POC1A: variants seen among roughly 807,000 people sequenced by gnomAD.
POC1A encodes POC1 centriolar protein A.
In POC1A, 34 loss-of-function variants were observed where a neutral mutation model predicts 47.8. The ratio of observed to expected loss-of-function variants is 0.71; its 90% CI spans 0.54 to 0.95. The LOEUF is 0.95. POC1A is among the 40% of genes least tolerant of loss of function. The probability of loss-of-function intolerance (pLI) is 0.00; values close to 1 mark genes in which losing one functional copy is unlikely to be tolerated. For synonymous variants in POC1A, 177 were observed against 207.6 expected (o/e 0.85, Z 1.27); for missense variants, 466 against 528.3 (o/e 0.88, Z 1.16).
chr3:52,094,725 A>T (rs1247980670), intron 10 of POC1A, among the ~76,000 whole-genome samples: 2 of 152,246 alleles, frequency 1.3e-5, no homozygotes, highest in South Asian at 4.1e-4. Flanking sequence ...AGACACTGTC[A>T]GTTTTGCAAA....
At chr3:52,129,298 T>C (rs1252032502) in intron 7 of POC1A, among the ~76,000 whole-genome samples, 3 of 152,006 alleles carry the variant, frequency 2.0e-5, no homozygotes, top group Non-Finnish European at 4.4e-5. Flanking sequence ...TAAAATAAAA[T>C]AAAGTTTCCA....
chr3:52,134,954 G>A (rs565171541), intron 7 of POC1A, among the ~76,000 whole-genome samples: 1 of 152,264 alleles, frequency 6.6e-6, no homozygotes, highest in East Asian at 1.9e-4. Context: ...CAGGCCCTTG[G>A]CCACCAGGAC....
intron 10 of POC1A, among the ~76,000 whole-genome samples, chr3:52,092,519 T>C (rs897034575): frequency 3.3e-5 from 5 of 152,150 alleles, no homozygotes; most frequent in Non-Finnish European, 7.3e-5. Context: ...GGCATGATGT[T>C]GCTGCCATGT....
chr3:52,150,632 C>T (rs1698526148), intron 2 of POC1A, among the ~76,000 whole-genome samples: 1 of 152,086 alleles, frequency 6.6e-6, no homozygotes, highest in South Asian at 2.1e-4. Context: ...TGACAAGGCT[C>T]TTCAACAAGG....
In POC1A at chr3:52,084,394, C is replaced by T. The variant is rs138680101; in HGVS notation, c.1126-8409G>A. On this transcript the variant is annotated intron_variant, in intron 10 of 10. Coordinates refer to ENST00000296484, the MANE Select transcript of POC1A (RefSeq NM_015426.5). This position sits in a 1 kb window ranked among gnomAD's most constrained non-coding sequence, Gnocchi z 4.3. Reference sequence around the variant, plus strand: ...TGAGGAGTTGTGGGACACTCACGACCCGCCTTGGGGGCAGCCAACAACATC... The same window carrying T: ...TGAGGAGTTGTGGGACACTCACGACTCGCCTTGGGGGCAGCCAACAACATC... Among the ~76,000 whole-genome samples, 218 of 152,316 alleles carry T rather than the reference C, an allele frequency of 1.4e-3. 1 individual carries two copies. Among genetic ancestry groups the T allele is most frequent in the Middle Eastern group, 0.01 (3 of 294 alleles).
intron 9 of POC1A, among the ~76,000 whole-genome samples, chr3:52,112,521 A>G (rs1273369740): frequency 1.3e-5 from 2 of 152,196 alleles, no homozygotes; most frequent in African/African-American, 4.8e-5. Context: ...GCATGCCTGT[A>G]ATCCCAGCTA....
chr3:52,078,372 TA>T (rs59924607), intron 10 of POC1A, among the ~76,000 whole-genome samples: 157 of 145,546 alleles, frequency 1.1e-3, no homozygotes, highest in East Asian at 1.2e-3. Context: ...TCCATGTAGT[TA>T]AAAAAAAAAA....
chr3:52,101,975 C>T (rs376414214), intron 9 of POC1A, among the ~76,000 whole-genome samples: 8 of 152,186 alleles, frequency 5.3e-5, no homozygotes, highest in Admixed American at 1.3e-4. Context: ...TATAGTTTCA[C>T]GAGAATTCTT....
At chr3:52,086,484 A>G (rs1449088235) in intron 10 of POC1A, among the ~76,000 whole-genome samples, 1 of 152,248 alleles carries the variant, frequency 6.6e-6, no homozygotes, top group Admixed American at 6.5e-5. Flanking sequence ...ATCAAAACAA[A>G]GCAGGGCTGC....
rs1703545453 is a variant in POC1A at position 52,090,401 on chromosome 3, GC to G, written c.1125+6167del. Among the ~76,000 whole-genome samples the G allele has an allele frequency of 6.6e-6, 1 of 152,226 alleles. No individual in the cohort carries two copies. The highest frequency in any genetic ancestry group is 1.5e-5 in the Non-Finnish European group (1 of 68,034). On this transcript the variant is annotated intron_variant, in intron 10 of 10. Transcript: ENST00000296484. The surrounding 1 kb of genome is among the most constrained non-coding windows in gnomAD (Gnocchi z 4.2). ...AAGCCGCGTGTTGGGCCTATGCCGG[GC>G]CCCCTCACAGCAGCCTCCCCAGCTC...
chr3:52,120,753 T>C (rs1245627661), intron 9 of POC1A, among the ~76,000 whole-genome samples: 1 of 152,258 alleles, frequency 6.6e-6, no homozygotes, highest in African/African-American at 2.4e-5. Context: ...TAAGCACTGC[T>C]GAGCTGTTCA....
rs76414203 is a variant in POC1A at position 52,114,601 on chromosome 3, C to T, written c.981+7778G>A. 2.5e-3 allele frequency among the ~76,000 whole-genome samples: 379 copies of T among 152,238 alleles called. 9 individuals carry two copies. In the East Asian group the frequency reaches 0.057, roughly 23 times the overall value. On this transcript the variant is annotated intron_variant, in intron 9 of 10. Coordinates refer to ENST00000296484, the MANE Select transcript of POC1A (RefSeq NM_015426.5). ...TTTCCAGTCAGGGGTCTCTTATTAGCGTTCCTGCACTTCAATCCCAGAGAC... is the reference window on the plus strand; with the variant it reads ...TTTCCAGTCAGGGGTCTCTTATTAGTGTTCCTGCACTTCAATCCCAGAGAC...
chr3:52,109,245 G>A (rs997075415), intron 9 of POC1A, among the ~76,000 whole-genome samples: 1 of 152,180 alleles, frequency 6.6e-6, no homozygotes, highest in Non-Finnish European at 1.5e-5. Context: ...GATGTGATAA[G>A]AGCACTGCTA....
intron 7 of POC1A, among the ~76,000 whole-genome samples, chr3:52,133,629 GGC>G (rs1704320868): frequency 2.6e-5 from 4 of 152,128 alleles, no homozygotes; most frequent in Admixed American, 2.6e-4. Flanking sequence ...CCTCTGTCCT[GGC>G]GCTCCTTGTA....
At chr3:52,131,307 C>T (rs971373371) in intron 7 of POC1A, among the ~76,000 whole-genome samples, 7 of 152,288 alleles carry the variant, frequency 4.6e-5, no homozygotes, top group Non-Finnish European at 8.8e-5. Flanking sequence ...TCTGAACAAC[C>T]GTGGTAGTTG....
chr3:52,107,394 GT>G (rs1703224081), intron 9 of POC1A, among the ~76,000 whole-genome samples: 1 of 152,268 alleles, frequency 6.6e-6, no homozygotes, highest in African/African-American at 2.4e-5. Flanking sequence ...CTGTTCTGGA[GT>G]TCCTGGAGCA....
chr3:52,106,180 C>CAAAA (rs11350232), intron 9 of POC1A, among the ~76,000 whole-genome samples: 92 of 73,480 alleles, frequency 1.3e-3, no homozygotes, highest in Middle Eastern at 6.9e-3. Flanking sequence ...GACTACGTCT[C>CAAAA]AAAAAAAAAA....
intron 7 of POC1A, among the ~76,000 whole-genome samples, chr3:52,131,846 A>G (rs1460485504): frequency 6.6e-6 from 1 of 152,114 alleles, no homozygotes; most frequent in Admixed American, 6.5e-5. Context: ...TGCACAGGAG[A>G]GGAAACGCGC....
chr3:52,101,090 CAAAA>C (rs146285042), intron 9 of POC1A, among the ~76,000 whole-genome samples: 2 of 56,948 alleles, frequency 3.5e-5, no homozygotes, highest in Admixed American at 2.1e-4. Flanking sequence ...CAACCCTCAG[CAAAA>C]AAAAAAAAAA....
Sources: gnomAD v4.1 joint callset for allele counts (sites outside exome capture counted in the v4.1 genomes callset) on GRCh38, gnomAD v4.1.1 for gene constraint, Gnocchi (gnomAD v3.1) non-coding constraint, MANE v1.5 for transcripts, NCBI Gene and HGNC (gene_info 2026-07-23, HGNC 2026-07-21) for gene names.